Variants in CCDC92B observed in about 807,000 individuals in gnomAD.
CCDC92B encodes the protein coiled-coil domain containing 92B.
A neutral mutation model predicts 5.6 loss-of-function variants in CCDC92B; 2 were observed. The ratio of observed to expected loss-of-function variants is 0.36; its 90% CI spans 0.15 to 1.12. The LOEUF (loss-of-function observed/expected upper bound fraction) is 1.12, where lower values mean the gene tolerates loss of function less well. Ranked by LOEUF, CCDC92B falls within the 50% of genes most tolerant of loss-of-function variation. The probability of loss-of-function intolerance (pLI) is 0.40; values close to 1 mark genes in which losing one functional copy is unlikely to be tolerated. For missense variants in CCDC92B, 271 were observed against 262.2 expected (o/e 1.03, Z -0.23); for synonymous variants, 115 against 122.3 (o/e 0.94, Z 0.39).
Position 2,735,058 on chromosome 17 carries a change from C to T in CCDC92B, c.88G>A (p.Asp30Asn). The change falls in exon 2 of 4, where the codon GAC (aspartate) becomes AAC (asparagine). Residue 30 changes from aspartate to asparagine, a missense_variant. Transcript: ENST00000614400. ...LKKEQMALLR[D>N]LHLEILRLQK... ...AGCCTCAGGATCTCCAGGTGCAGGT[C>T]TCGCAGCAGGGCCATCTGCTCCTTT... The T allele has an allele frequency of 1.0e-6, 1 of 985,576 alleles. No homozygotes were observed. The highest frequency in any genetic ancestry group is 1.2e-6 in the Non-Finnish European group (1 of 830,044). 61.1% of individuals were successfully genotyped at this position (985,576 alleles called of 1,614,324 possible). A position where few individuals can be genotyped will look rare whatever the true frequency, so the allele number is the denominator to read the frequency against.
At position 2,722,748 on chromosome 17, in the gene CCDC92B, G is replaced by A. The variant is rs571824906; in HGVS notation, c.*1663C>T. ...CAGGGTCAGGACCTGTCAGGAAAGG[G>A]GTGTCTGTGAGGGAGGCAAAGGCCT... is the stretch of plus-strand genomic sequence containing the variant. On this transcript the variant is annotated 3_prime_UTR_variant, in exon 4 of 4. Transcript: ENST00000614400. The A allele has an allele frequency of 1.3e-5, 2 of 152,614 alleles. No homozygotes were observed. Among genetic ancestry groups the A allele is most frequent in the Admixed American group, 1.3e-4 (2 of 15,308 alleles). 9.5% of individuals were successfully genotyped at this position (152,614 alleles called of 1,614,324 possible).
intron 1 of CCDC92B, among the ~76,000 whole-genome samples, chr17:2,737,478 T>A (rs894310369): frequency 1.5e-5 from 2 of 130,486 alleles, no homozygotes; most frequent in Admixed American, 7.8e-5. Context: ...TTTTTTTTTT[T>A]TTTTTTTTTT....
intron 2 of CCDC92B, among the ~76,000 whole-genome samples, chr17:2,732,972 C>T (rs1186625573): frequency 1.3e-5 from 2 of 151,408 alleles, no homozygotes; most frequent in South Asian, 2.1e-4. Context: ...GAGATCACGC[C>T]ACTGCACTCC....
intron 3 of CCDC92B, among the ~76,000 whole-genome samples, chr17:2,726,324 C>T (rs528177401): frequency 6.7e-6 from 1 of 149,888 alleles, no homozygotes; most frequent in South Asian, 2.1e-4. Flanking sequence ...ACTACAGGCG[C>T]CCGCCACCAT....
At chr17:2,741,501 A>ATC (rs2070925891) in intron 1 of CCDC92B, among the ~76,000 whole-genome samples, 1 of 111,616 alleles carries the variant, frequency 9.0e-6, no homozygotes, top group Non-Finnish European at 1.8e-5. Context: ...ACATGGCAAA[A>ATC]TCCTGTGTCT....
chr17:2,745,968 CCTT>C (rs1567619884), intron 1 of CCDC92B, among the ~76,000 whole-genome samples: 2 of 151,998 alleles, frequency 1.3e-5, no homozygotes, highest in Admixed American at 6.6e-5. Flanking sequence ...TTCCCCTTGT[CCTT>C]CTCCTTCTCC....
chr17:2,748,259 T>C lies in CCDC92B; in HGVS notation c.-24+1152A>G. On this transcript the variant is annotated intron_variant, in intron 1 of 3. Transcript: ENST00000614400. ...CTATATCCACCCTATCTCTGCCTCT[T>C]GAAGCCTGACCCATCCTTCAGGGCC... 10 of 906,920 alleles carry C rather than the reference T, an allele frequency of 1.1e-5. 1 individual carries two copies. In the South Asian group the frequency reaches 1.3e-4, roughly 12 times the overall value. The allele number at this position is 906,920 out of a possible 1,614,324, so 56.2% of individuals were successfully genotyped here. A position where few individuals can be genotyped will look rare whatever the true frequency, so the allele number is the denominator to read the frequency against.
At chr17:2,739,078 A>AAT (rs2070891029) in intron 1 of CCDC92B, among the ~76,000 whole-genome samples, 1 of 150,072 alleles carries the variant, frequency 6.7e-6, no homozygotes, top group Non-Finnish European at 1.5e-5. Context: ...CTCAAAAATA[A>AAT]ATAAATAGGG....
chr17:2,733,064 A>G (rs2070814430), intron 2 of CCDC92B, among the ~76,000 whole-genome samples: 1 of 148,642 alleles, frequency 6.7e-6, no homozygotes, highest in Non-Finnish European at 1.5e-5. Context: ...ATAAATAACT[A>G]GTAAAAAAAA....
intron 3 of CCDC92B, among the ~76,000 whole-genome samples, chr17:2,728,631 A>G (rs886070394): frequency 2.8e-4 from 42 of 151,906 alleles, no homozygotes; most frequent in Non-Finnish European, 4.9e-4. Flanking sequence ...AAACAAAAAG[A>G]TGAAGACATT....
chr17:2,733,693 C>A (rs1024789581), intron 2 of CCDC92B, among the ~76,000 whole-genome samples: 7 of 149,696 alleles, frequency 4.7e-5, no homozygotes, highest in Non-Finnish European at 8.8e-5. Context: ...TGGCGGCTGA[C>A]CCTGTCTGTG....
intron 1 of CCDC92B, among the ~76,000 whole-genome samples, chr17:2,747,808 G>A (rs528317197): frequency 3.9e-5 from 6 of 152,220 alleles, no homozygotes; most frequent in Non-Finnish European, 7.4e-5. Context: ...TGGGGCAGTC[G>A]GAAAGCAGGA....
At chr17:2,741,909 C>T (rs2070931368) in intron 1 of CCDC92B, among the ~76,000 whole-genome samples, 1 of 147,936 alleles carries the variant, frequency 6.8e-6, no homozygotes, top group South Asian at 2.2e-4. Context: ...TCTCTTGAAA[C>T]CAGGACGCGG....
At chr17:2,741,570 T>G (rs1431528477) in intron 1 of CCDC92B, among the ~76,000 whole-genome samples, 1 of 150,292 alleles carries the variant, frequency 6.7e-6, no homozygotes, top group African/African-American at 2.4e-5. Context: ...TCCTAGCTAC[T>G]TGGGAGGCCG....
At chr17:2,736,914 AATAC>A (rs200830365) in intron 1 of CCDC92B, among the ~76,000 whole-genome samples, 2 of 148,320 alleles carry the variant, frequency 1.3e-5, no homozygotes, top group Non-Finnish European at 3.0e-5. Context: ...AAATAAATAA[AATAC>A]ATACATACAT....
At chr17:2,748,086 C>T (rs778834859) in intron 1 of CCDC92B, 10 of 528,102 alleles carry the variant, frequency 1.9e-5, no homozygotes, top group Non-Finnish European at 3.1e-5. Context: ...TATGGCTTCT[C>T]ATAAGAGAAT....
chr17:2,745,090 A>AAAAAAT (rs72203225), intron 1 of CCDC92B, among the ~76,000 whole-genome samples: 2 of 142,998 alleles, frequency 1.4e-5, no homozygotes, highest in Non-Finnish European at 1.5e-5. Context: ...AAAAAAAAAA[A>AAAAAAT]GATAAAATAA....
At chr17:2,742,233 G>A (rs753468756) in intron 1 of CCDC92B, among the ~76,000 whole-genome samples, 9 of 152,072 alleles carry the variant, frequency 5.9e-5, no homozygotes, top group East Asian at 1.9e-4. Flanking sequence ...CCCCGTGCCC[G>A]GCTAATTTTT....
Position 2,722,692 on chromosome 17 carries a change from A to AC in CCDC92B, c.*1718dup, listed in dbSNP as rs964110349. 13 of 152,182 alleles carry AC rather than the reference A, an allele frequency of 8.5e-5. No individual in the cohort carries two copies. The highest frequency in any genetic ancestry group is 2.9e-4 in the African/African-American group (12 of 41,410). 9.4% of individuals were successfully genotyped at this position (152,182 alleles called of 1,614,324 possible). A position where few individuals can be genotyped will look rare whatever the true frequency, so the allele number is the denominator to read the frequency against. On this transcript the variant is annotated 3_prime_UTR_variant, in exon 4 of 4. Coordinates refer to ENST00000614400, the MANE Select transcript of CCDC92B (RefSeq NM_001355573.2). The stretch of plus-strand genomic sequence containing the variant: ...GAGCTTGACTCTGCTCACCTCCCAG[A>AC]CCCCTGCGTGACAGAATGTGTGGCC...
Sources: allele counts gnomAD v4.1 joint callset (sites outside exome capture counted in the v4.1 genomes callset), GRCh38; gene constraint gnomAD v4.1.1; transcripts MANE v1.5; gene names NCBI Gene and HGNC (gene_info 2026-07-23, HGNC 2026-07-21).